PDXK: variants seen among roughly 807,000 people sequenced by gnomAD.
PDXK encodes the protein pyridoxal kinase.
A neutral mutation model predicts 43.2 loss-of-function variants in PDXK; 15 were observed. The ratio of observed to expected loss-of-function variants is 0.35; its 90% confidence interval spans 0.23 to 0.53. The LOEUF (loss-of-function observed/expected upper bound fraction) is 0.53, where lower values mean the gene tolerates loss of function less well. Ranked by LOEUF, PDXK falls within the 20% of genes least tolerant of loss-of-function variation. The pLI is 0.92. For missense variants in PDXK, 343 were observed against 417.0 expected (o/e 0.82, Z 1.54); for synonymous variants, 172 against 165.4 (o/e 1.04, Z -0.31).
intron 1 of PDXK, 93 bp downstream of exon 1, chr21:43,719,474 T>A: frequency 8.1e-6 from 11 of 1,351,738 alleles, no homozygotes; most frequent in Non-Finnish European, 9.9e-6. Context: ...CGAGGGAGGC[T>A]CGGGAGCTGC....
chr21:43,750,979 T>TGTGTGTGC (rs57132172), intron 7 of PDXK, among the ~76,000 whole-genome samples: 31 of 148,176 alleles, frequency 2.1e-4, no homozygotes, highest in African/African-American at 7.3e-4. Context: ...TGTGTGTGTG[T>TGTGTGTGC]GCACATGTGT....
intron 2 of PDXK, chr21:43,741,442 GGGGGGGCTCGCGGGGGGCTCGC>G: frequency 6.1e-5 from 3 of 48,922 alleles, no homozygotes; most frequent in Non-Finnish European, 5.7e-5. Context: ...GGGGGCTCGC[GGGGGGGCTCGCGGGGGGCTCGC>G]GGGGGGCTCG....
rs2083337856 is a variant in PDXK at position 43,732,813 on chromosome 21, T to C, written c.88-1256T>C. On this transcript the variant is annotated intron_variant, in intron 1 of 10. Transcript: ENST00000291565. This position sits in a 1 kb window ranked among gnomAD's most constrained non-coding sequence, Gnocchi z 4.1. Reference sequence around the variant, plus strand: ...CCCAGGCTAGAGTGCAGTGGTGCCATCAGGGCTCACTGCAGCCTCCACCTC... The same window carrying C: ...CCCAGGCTAGAGTGCAGTGGTGCCACCAGGGCTCACTGCAGCCTCCACCTC... 6.6e-6 allele frequency among the ~76,000 whole-genome samples: 1 copy of C among 152,190 alleles called. No homozygotes were observed. Among genetic ancestry groups the C allele is most frequent in the Admixed American group, 6.5e-5 (1 of 15,276 alleles).
intron 1 of PDXK, among the ~76,000 whole-genome samples, chr21:43,722,812 A>T (rs2083217599): frequency 6.6e-6 from 1 of 152,178 alleles, no homozygotes; most frequent in South Asian, 2.1e-4. Flanking sequence ...CTCATCTTGG[A>T]ATCTTACATC....
intron 1 of PDXK, among the ~76,000 whole-genome samples, chr21:43,721,344 G>A (rs189001675): frequency 6.6e-6 from 1 of 152,386 alleles, no homozygotes; most frequent in Non-Finnish European, 1.5e-5. Context: ...ATCATCACAT[G>A]TGGCTTAGGA....
chr21:43,735,251 C>T lies in PDXK; in HGVS notation c.142+1128C>T, dbSNP rs1036331791. Among the ~76,000 whole-genome samples the T allele has an allele frequency of 3.3e-5, 5 of 152,228 alleles. No homozygotes were observed. Among genetic ancestry groups the T allele is most frequent in the Non-Finnish European group, 5.9e-5 (4 of 68,040 alleles). On this transcript the variant is annotated intron_variant, in intron 2 of 10. Transcript: ENST00000291565. This position sits in a 1 kb window ranked among gnomAD's most constrained non-coding sequence, Gnocchi z 5.3. ...CCTTCCTGGCTGCTCTCGCCATCCTCCTTTAGGATTTATTTTTCAGTGAGT... is the reference window on the plus strand; with the variant it reads ...CCTTCCTGGCTGCTCTCGCCATCCTTCTTTAGGATTTATTTTTCAGTGAGT...
chr21:43,728,881 G>A (rs962066587), intron 1 of PDXK: 5 of 985,574 alleles, frequency 5.1e-6, no homozygotes, highest in Non-Finnish European at 4.8e-6. Flanking sequence ...GTTCCCAGGA[G>A]GAAGTTGCGA....
Position 43,749,087 on chromosome 21 carries a change from C to A in PDXK, c.464+7C>A, listed in dbSNP as rs770007319. 2 of 1,558,056 alleles carry A rather than the reference C, an allele frequency of 1.3e-6. No homozygotes were observed. Among genetic ancestry groups the A allele is most frequent in the South Asian group, 1.1e-5 (1 of 88,912 alleles). On this transcript the variant is annotated splice_region_variant and intron_variant, in intron 6 of 10. Transcript: ENST00000291565. ...CCAACCAGTTTGAGGCCGAGTAAGTCATTTTATTTTATTTTACTTTATTTA... is the reference window on the plus strand; with the variant it reads ...CCAACCAGTTTGAGGCCGAGTAAGTAATTTTATTTTATTTTACTTTATTTA...
chr21:43,734,344 G>T lies in PDXK; in HGVS notation c.142+221G>T, dbSNP rs1216855503. On this transcript the variant is annotated intron_variant, in intron 2 of 10. Coordinates refer to ENST00000291565, the MANE Select transcript of PDXK (RefSeq NM_003681.5). The surrounding 1 kb of genome is among the most constrained non-coding windows in gnomAD (Gnocchi z 5.0). ...CTCTGAGAGGGGTTGTGTTGACTCA[G>T]CTTGGCTGCTTTGAGGCTGTGTGAC... Among the ~76,000 whole-genome samples the T allele has an allele frequency of 6.6e-6, 1 of 152,132 alleles. No homozygotes were observed. The highest frequency in any genetic ancestry group is 1.5e-5 in the Non-Finnish European group (1 of 68,024).
At position 43,741,780 on chromosome 21, in the gene PDXK, C is replaced by T. The variant is rs2276243; in HGVS notation, c.247+9C>T. 6 of 1,573,972 alleles carry T rather than the reference C, an allele frequency of 3.8e-6. No homozygotes were observed. The highest frequency in any genetic ancestry group is 2.2e-5 in the South Asian group (2 of 90,324). Reference sequence around the variant, plus strand: ...TGACTACGTGCTCACAGGTAGGTGCCGGAGCAAGCTGCCGCAGGGGACTAC... The same window carrying T: ...TGACTACGTGCTCACAGGTAGGTGCTGGAGCAAGCTGCCGCAGGGGACTAC... On this transcript the variant is annotated intron_variant, in intron 3 of 10. Transcript: ENST00000291565.
rs192612348 is a variant in PDXK at position 43,734,576 on chromosome 21, C to T, written c.142+453C>T. Among the ~76,000 whole-genome samples the T allele has an allele frequency of 6.6e-5, 10 of 152,222 alleles. No individual in the cohort carries two copies. The highest frequency in any genetic ancestry group is 6.2e-4 in the South Asian group (3 of 4,824). On this transcript the variant is annotated intron_variant, in intron 2 of 10. Coordinates refer to ENST00000291565, the MANE Select transcript of PDXK (RefSeq NM_003681.5). The surrounding 1 kb of genome is among the most constrained non-coding windows in gnomAD (Gnocchi z 5.0). ...TGAGGAGGGTCCCCCATGGGGTGGTCGTGCTGGGGGATGTGTAGGTGGTTC... is the reference window on the plus strand; with the variant it reads ...TGAGGAGGGTCCCCCATGGGGTGGTTGTGCTGGGGGATGTGTAGGTGGTTC...
In PDXK at chr21:43,754,717, C is replaced by G. The variant is rs549271633; in HGVS notation, c.760-981C>G. On this transcript the variant is annotated intron_variant, in intron 9 of 10. Coordinates refer to ENST00000291565, the MANE Select transcript of PDXK (RefSeq NM_003681.5). This position sits in a 1 kb window ranked among gnomAD's most constrained non-coding sequence, Gnocchi z 5.5. The stretch of plus-strand genomic sequence containing the variant: ...GGAGTGACAGGAGGAAGACAGGACA[C>G]CTCTGTCACTATTGGGTGCGCTGGG... Among the ~76,000 whole-genome samples the G allele has an allele frequency of 2.0e-5, 3 of 152,026 alleles. No individual in the cohort carries two copies. In the South Asian group the frequency reaches 6.2e-4, roughly 32 times the overall value.
At chr21:43,753,151 CGTG>C (rs542530883) in intron 8 of PDXK, among the ~76,000 whole-genome samples, 331 of 152,274 alleles carry the variant, frequency 2.2e-3, no homozygotes, top group African/African-American at 7.2e-3. Context: ...CGGGCACACA[CGTG>C]GACATGGGCA....
chr21:43,720,863 C>T (rs2083201152), intron 1 of PDXK, among the ~76,000 whole-genome samples: 1 of 152,194 alleles, frequency 6.6e-6, no homozygotes, highest in African/African-American at 2.4e-5. Context: ...TCTGTCCCGT[C>T]CCTCCTCCCA....
At position 43,738,148 on chromosome 21, in the gene PDXK, G is replaced by C. The variant is rs958667971; in HGVS notation, c.143-3519G>C. On this transcript the variant is annotated intron_variant, in intron 2 of 10. Coordinates refer to ENST00000291565, the MANE Select transcript of PDXK (RefSeq NM_003681.5). ...GTGTGGGACTGGGTTTGGAGATGGA[G>C]CCCCTACAGAGGTCAGCAGGTTAAA... is the stretch of plus-strand genomic sequence containing the variant. 3 of 685,186 alleles carry C rather than the reference G, an allele frequency of 4.4e-6. No individual in the cohort carries two copies. In the African/African-American group the frequency reaches 5.8e-5, roughly 13 times the overall value. The allele number at this position is 685,186 out of a possible 1,614,324, so 42.4% of individuals were successfully genotyped here.
chr21:43,748,063 T>C (rs540798922), intron 5 of PDXK, among the ~76,000 whole-genome samples: 4 of 152,324 alleles, frequency 2.6e-5, no homozygotes, highest in African/African-American at 9.6e-5. Context: ...AAGGGAGGTT[T>C]CCGGGAGCAA....
At chr21:43,738,123 GT>G in intron 2 of PDXK, 1 of 861,402 alleles carries the variant, frequency 1.2e-6, no homozygotes, top group Non-Finnish European at 1.4e-6. Flanking sequence ...CAGCACCTCA[GT>G]GTGGGACTGG....
chr21:43,730,946 C>A (rs957605503), intron 1 of PDXK, among the ~76,000 whole-genome samples: 1 of 152,056 alleles, frequency 6.6e-6, no homozygotes. Context: ...TAGAGTGAGA[C>A]CCTGTCTCAA....
rs2083223352 is a variant in PDXK, at chr21:43,723,273, G to C, written c.87+3892G>C. Among the ~76,000 whole-genome samples, 1 of 151,686 alleles carries C rather than the reference G, an allele frequency of 6.6e-6. No homozygotes were observed. Among genetic ancestry groups the C allele is most frequent in the Admixed American group, 6.6e-5 (1 of 15,212 alleles). On this transcript the variant is annotated intron_variant, in intron 1 of 10. Transcript: ENST00000291565. This position sits in a 1 kb window ranked among gnomAD's most constrained non-coding sequence, Gnocchi z 4.1. ...AGGTACAAGCAATTCTCCTGCCTCAGCCTCCTGAGTAGCTGGGATTACAAG... is the reference window on the plus strand; with the variant it reads ...AGGTACAAGCAATTCTCCTGCCTCACCCTCCTGAGTAGCTGGGATTACAAG...
Sources: gnomAD v4.1 joint callset for allele counts (sites outside exome capture counted in the v4.1 genomes callset) on GRCh38, gnomAD v4.1.1 for gene constraint, Gnocchi (gnomAD v3.1) non-coding constraint, MANE v1.5 for transcripts, NCBI Gene and HGNC (gene_info 2026-07-23, HGNC 2026-07-21) for gene names.